IAH1: variants seen among roughly 807,000 people sequenced by gnomAD.
IAH1 encodes isoamyl acetate hydrolyzing esterase 1 (putative), also known as isoamyl acetate-hydrolyzing esterase 1 homolog.
Under a neutral mutation model 26.7 loss-of-function variants are expected in IAH1, and 24 were observed. That is an observed-to-expected ratio of 0.90 (90% CI 0.65 to 1.26). IAH1 has a LOEUF of 1.26. Ranked by LOEUF, IAH1 falls within the 50% of genes most tolerant of loss-of-function variation. The probability of loss-of-function intolerance (pLI) is 0.00; values close to 1 mark genes in which losing one functional copy is unlikely to be tolerated. For missense variants in IAH1, 300 were observed against 299.9 expected, an observed-to-expected ratio of 1.00 and a Z score of 0.00; for synonymous variants, 140 against 118.5, an observed-to-expected ratio of 1.18 and a Z score of -1.18.
At chr2:9,485,809 A>C (rs1319473603) in intron 5 of IAH1, 1 of 152,098 alleles carries the variant, frequency 6.6e-6, no homozygotes, top group Non-Finnish European at 1.5e-5. Flanking sequence ...ACCTTGTGCT[A>C]CTCTTTTGTA....
At chr2:9,502,173 C>G in the IAH1 span, 1 of 1,613,392 alleles carries the variant, frequency 6.2e-7, no homozygotes, top group Non-Finnish European at 8.5e-7. Flanking sequence ...GAACACGAAC[C>G]TGTGCAGTAG....
chr2:9,500,193 G>A (rs1662916699), downstream of IAH1, among the ~76,000 whole-genome samples: 1 of 152,180 alleles, frequency 6.6e-6, no homozygotes, highest in South Asian at 2.1e-4. Flanking sequence ...GCATATCCAT[G>A]CAATGGAATT....
chr2:9,478,767 CAGTT>C (rs1358393164), intron 3 of IAH1, among the ~76,000 whole-genome samples: 1 of 152,060 alleles, frequency 6.6e-6, no homozygotes, highest in Non-Finnish European at 1.5e-5. Flanking sequence ...ACCCTGACCT[CAGTT>C]AGGCTTGAAT....
chr2:9,489,426 G>A lies in IAH1; in HGVS notation c.*1097G>A, dbSNP rs958005933. ...AGCATGTATCCCTATCAGTAACAGG[G>A]ATACATGAAGATACTTATAAAATAC... is the stretch of plus-strand genomic sequence containing the variant. On this transcript the variant is annotated 3_prime_UTR_variant, in exon 6 of 6. Transcript: ENST00000497473. 7 of 146,158 alleles carry A rather than the reference G, an allele frequency of 4.8e-5. No homozygotes were observed. The highest frequency in any genetic ancestry group is 7.5e-5 in the Non-Finnish European group (5 of 66,318). The allele number at this position is 146,158 out of a possible 1,614,324, so 9.1% of individuals were successfully genotyped here.
upstream of IAH1, among the ~76,000 whole-genome samples, chr2:9,474,095 C>T (rs1334902586): frequency 1.3e-5 from 2 of 152,184 alleles, no homozygotes; most frequent in Admixed American, 1.3e-4. This position sits in a 1 kb window ranked among gnomAD's most constrained non-coding sequence, Gnocchi z 4.3. Flanking sequence ...GCCAGGGTTT[C>T]CGCAGTGCCT....
intron 1 of IAH1, chr2:9,475,264 C>A: frequency 8.4e-7 from 1 of 1,188,132 alleles, no homozygotes; most frequent in Non-Finnish European, 1.1e-6. Context: ...TGTGTGTGTC[C>A]TCTTCTCAGA....
chr2:9,492,104 G>A (rs1355302252), downstream of IAH1, among the ~76,000 whole-genome samples: 2 of 152,216 alleles, frequency 1.3e-5, no homozygotes, highest in East Asian at 1.9e-4. Flanking sequence ...GGAAAGGAAA[G>A]GAAGGAGGCA....
At chr2:9,495,386 CA>C (rs1488139456) in intron 6 of IAH1, among the ~76,000 whole-genome samples, 17 of 152,358 alleles carry the variant, frequency 1.1e-4, no homozygotes, top group African/African-American at 4.1e-4. Context: ...AAAAAGAAAT[CA>C]ACTAGAACAC....
At chr2:9,492,437 C>G (rs1025844908), downstream of IAH1, among the ~76,000 whole-genome samples, 1 of 152,176 alleles carries the variant, frequency 6.6e-6, no homozygotes, top group Non-Finnish European at 1.5e-5. Context: ...CTCTATATGA[C>G]AGCTGGGCCC....
Position 9,474,638 on chromosome 2 carries a change from C to T in IAH1, c.72C>T (p.Ser24=), listed in dbSNP as rs751767561. Residue 24 remains serine (S), a synonymous_variant, in exon 1 of 6, where the codon TCC becomes TCT. Coordinates refer to ENST00000497473, the MANE Select transcript of IAH1 (RefSeq NM_001039613.3). This position sits in a 1 kb window ranked among gnomAD's most constrained non-coding sequence, Gnocchi z 4.3. ...LWPRLLLFGD[S]ITQFSFQQGG... ...CTCGCTTGTTGCTCTTCGGGGACTCCATCACCCAGGTACGGCCGCCCCGAC... is the reference window on the plus strand; with the variant it reads ...CTCGCTTGTTGCTCTTCGGGGACTCTATCACCCAGGTACGGCCGCCCCGAC... The T allele has an allele frequency of 1.3e-6, 2 of 1,551,764 alleles. No individual in the cohort carries two copies. Among genetic ancestry groups the T allele is most frequent in the East Asian group, 2.6e-5 (1 of 38,726 alleles).
the IAH1 span, chr2:9,510,215 TAG>T: frequency 2.2e-5 from 29 of 1,294,142 alleles, no homozygotes; most frequent in East Asian, 5.9e-4. Flanking sequence ...CTGTCTTAAA[TAG>T]AGCCTTATAA....
chr2:9,490,564 T>G, downstream of IAH1: 1 of 1,531,876 alleles, frequency 6.5e-7, no homozygotes, highest in Non-Finnish European at 8.8e-7. Context: ...AAAAGATGAA[T>G]CGGAGGTCCT....
chr2:9,479,675 G>A (rs1296964677), intron 3 of IAH1, among the ~76,000 whole-genome samples: 1 of 152,040 alleles, frequency 6.6e-6, no homozygotes, highest in African/African-American at 2.4e-5. Context: ...AGAATAGCTT[G>A]TGATCCTCTG....
intron 5 of IAH1, 138 bp downstream of exon 5, chr2:9,484,688 T>C: frequency 1.6e-6 from 1 of 614,148 alleles, no homozygotes; most frequent in South Asian, 2.0e-5. Context: ...ACAAACAGGC[T>C]TGGGGGAGGG....
chr2:9,492,974 G>C, downstream of IAH1: 2 of 1,610,406 alleles, frequency 1.2e-6, no homozygotes, highest in Non-Finnish European at 1.7e-6. Flanking sequence ...GATGTTGTCT[G>C]CTAAAAACTT....
intron 5 of IAH1, among the ~76,000 whole-genome samples, chr2:9,487,114 G>A (rs920472801): frequency 6.6e-6 from 1 of 152,030 alleles, no homozygotes; most frequent in Non-Finnish European, 1.5e-5. Context: ...GGTGGCACGT[G>A]CCTGTAGTCC....
At chr2:9,474,539 G>T, upstream of IAH1, 1 of 1,316,320 alleles carries the variant, frequency 7.6e-7, no homozygotes, top group Non-Finnish European at 9.8e-7. The surrounding 1 kb of genome is among the most constrained non-coding windows in gnomAD (Gnocchi z 4.3). Flanking sequence ...GTGGCTGGCG[G>T]CCCCGCCCCG....
At chr2:9,477,208 GT>G (rs1660862102) in intron 2 of IAH1, among the ~76,000 whole-genome samples, 1 of 152,184 alleles carries the variant, frequency 6.6e-6, no homozygotes, top group African/African-American at 2.4e-5. Flanking sequence ...GTCAGAAAGT[GT>G]CCCCTTGTGC....
At chr2:9,475,565 A>G (rs2124891879) in intron 1 of IAH1, 1 of 223,406 alleles carries the variant, frequency 4.5e-6, no homozygotes, top group East Asian at 1.2e-4. Flanking sequence ...CAGTAGCGCG[A>G]TCTCGGCTCA....
Sources: gnomAD v4.1 joint callset for allele counts (sites outside exome capture counted in the v4.1 genomes callset) on GRCh38, gnomAD v4.1.1 for gene constraint, Gnocchi (gnomAD v3.1) non-coding constraint, MANE v1.5 for transcripts, NCBI Gene and HGNC (gene_info 2026-07-23, HGNC 2026-07-21) for gene names.